The following ADAMTS19 variants were observed in gnomAD, a reference collection of about 807,000 sequenced individuals.
ADAMTS19 encodes the protein ADAM metallopeptidase with thrombospondin type 1 motif 19, also known as A disintegrin and metalloproteinase with thrombospondin motifs 19.
A neutral mutation model predicts 153.3 loss-of-function variants in ADAMTS19; 93 were observed. The ratio of observed to expected loss-of-function variants is 0.61; its 90% CI spans 0.51 to 0.72. ADAMTS19 has a LOEUF of 0.72. Ranked by LOEUF, ADAMTS19 falls within the 30% of genes least tolerant of loss-of-function variation. The pLI is 0.00. For missense variants in ADAMTS19, 1,482 were observed against 1,552.1 expected (o/e 0.95, Z 0.76); for synonymous variants, 600 against 556.6 (o/e 1.08, Z -1.10).
intron 21 of ADAMTS19, among the ~76,000 whole-genome samples, chr5:129,710,656 C>G (rs765223533): frequency 6.6e-6 from 1 of 152,178 alleles, no homozygotes; most frequent in Non-Finnish European, 1.5e-5. Context: ...TTTTTCTATA[C>G]AGAAGCTTGT....
At position 129,572,332 on chromosome 5, in the gene ADAMTS19, C is replaced by T. The variant is rs181196111; in HGVS notation, c.1372+20425C>T. On this transcript the variant is annotated intron_variant, in intron 7 of 22. Transcript: ENST00000274487. ...ATACATTGTTGCTGGGAATGGAAAACTTCACAACCGCTTTGGAAAATGGTG... is the reference window on the plus strand; with the variant it reads ...ATACATTGTTGCTGGGAATGGAAAATTTCACAACCGCTTTGGAAAATGGTG... 1.1e-4 allele frequency among the ~76,000 whole-genome samples: 16 copies of T among 152,030 alleles called. No individual in the cohort carries two copies. The East Asian group carries it at 2.5e-3, about 24-fold the overall frequency.
intron 2 of ADAMTS19, among the ~76,000 whole-genome samples, chr5:129,499,133 C>T (rs1751020035): frequency 1.3e-5 from 2 of 152,120 alleles, no homozygotes; most frequent in Middle Eastern, 6.8e-3. Context: ...CTATATTTAA[C>T]ATGTTATTTC....
rs35089778 is a variant in ADAMTS19, at chr5:129,716,573, C to CTTT, written c.3312+12196_3312+12198dup. Among the ~76,000 whole-genome samples, 60 of 137,342 alleles carry CTTT rather than the reference C, an allele frequency of 4.4e-4. 1 individual carries two copies. Among genetic ancestry groups the CTTT allele is most frequent in the East Asian group, 2.5e-3 (12 of 4,726 alleles). The allele number at this position is 137,342 out of a possible 152,430, so 90.1% of individuals were successfully genotyped here. On this transcript the variant is annotated intron_variant, in intron 21 of 22. Transcript: ENST00000274487. ...CAAGACTACAGCCCACTTCCAGTTT[C>CTTT]TTTTTTTTTTTTTTTTCCAAAACAT...
intron 8 of ADAMTS19, among the ~76,000 whole-genome samples, chr5:129,606,180 G>T (rs1750881989): frequency 6.6e-6 from 1 of 152,094 alleles, no homozygotes; most frequent in Admixed American, 6.5e-5. Context: ...AGAGTACCAA[G>T]AATACAGACG....
At position 129,522,279 on chromosome 5, in the gene ADAMTS19, G is replaced by A. The variant is rs537905101; in HGVS notation, c.914-4005G>A. Among the ~76,000 whole-genome samples, 356 of 133,838 alleles carry A rather than the reference G, an allele frequency of 2.7e-3. 1 individual carries two copies. Among genetic ancestry groups the A allele is most frequent in the African/African-American group, 9.4e-3 (334 of 35,572 alleles). 87.8% of individuals were successfully genotyped at this position (133,838 alleles called of 152,430 possible). On this transcript the variant is annotated intron_variant, in intron 3 of 22. Transcript: ENST00000274487. ...TAATATATAAACAACATATGTATGC[G>A]TAGTTGTATGTGTGTGTGTGTATAT...
chr5:129,502,922 G>A (rs1212363161), intron 2 of ADAMTS19, among the ~76,000 whole-genome samples: 1 of 152,158 alleles, frequency 6.6e-6, no homozygotes, highest in African/African-American at 2.4e-5. Flanking sequence ...AACAGAAAAT[G>A]TCTGGTGTAG....
At chr5:129,689,192 A>G (rs549535400) in intron 18 of ADAMTS19, among the ~76,000 whole-genome samples, 1 of 152,254 alleles carries the variant, frequency 6.6e-6, no homozygotes, top group South Asian at 2.1e-4. Flanking sequence ...GAAAAAAAAT[A>G]AGCCAACATT....
chr5:129,704,479 G>A, intron 21 of ADAMTS19, 88 bp downstream of exon 21: 2 of 1,438,186 alleles, frequency 1.4e-6, no homozygotes, highest in East Asian at 2.4e-5. Flanking sequence ...ATGGAGTTTA[G>A]GAGGGAAGGA....
At chr5:129,670,793 C>A (rs1181764227) in intron 16 of ADAMTS19, among the ~76,000 whole-genome samples, 2 of 152,120 alleles carry the variant, frequency 1.3e-5, no homozygotes, top group African/African-American at 4.8e-5. Context: ...TTCTTCTCTA[C>A]TCACTGTCTC....
At chr5:129,528,481 A>C (rs778560242) in intron 5 of ADAMTS19, 39 bp from the exon 6 acceptor site, 2 of 1,490,524 alleles carry the variant, frequency 1.3e-6, no homozygotes, top group Non-Finnish European at 1.8e-6. Flanking sequence ...TATATACCTA[A>C]GAATAATATG....
chr5:129,550,520 A>G (rs922702751), intron 6 of ADAMTS19, among the ~76,000 whole-genome samples: 4 of 149,714 alleles, frequency 2.7e-5, no homozygotes, highest in Non-Finnish European at 4.5e-5. Flanking sequence ...ACATATCTGT[A>G]TATATATACA....
chr5:129,599,724 G>T (rs1161389883), intron 8 of ADAMTS19, among the ~76,000 whole-genome samples: 1 of 152,122 alleles, frequency 6.6e-6, no homozygotes, highest in Admixed American at 6.5e-5. Flanking sequence ...TTATGTAGTA[G>T]AAATGTTGGT....
intron 2 of ADAMTS19, among the ~76,000 whole-genome samples, chr5:129,500,905 A>G (rs895115221): frequency 6.6e-6 from 1 of 152,202 alleles, no homozygotes; most frequent in Non-Finnish European, 1.5e-5. Context: ...ACACACAAAG[A>G]TCGCATAATG....
chr5:129,594,772 A>G lies in ADAMTS19; in HGVS notation c.1373-1787A>G, dbSNP rs140941802. ...TTAATAGAACTATAATAAAAATATG[A>G]TTTTCTCCTTCTCCCCTCCTCTTCT... On this transcript the variant is annotated intron_variant, in intron 7 of 22. Coordinates refer to ENST00000274487, the MANE Select transcript of ADAMTS19 (RefSeq NM_133638.6). 9.8e-3 allele frequency among the ~76,000 whole-genome samples: 1,484 copies of G among 152,038 alleles called. 70 individuals carry two copies. The highest frequency in any genetic ancestry group is 0.066 in the Admixed American group (1,008 of 15,264).
intron 10 of ADAMTS19, among the ~76,000 whole-genome samples, chr5:129,638,605 G>T (rs914150318): frequency 4.0e-5 from 6 of 148,800 alleles, no homozygotes; most frequent in African/African-American, 1.5e-4. Flanking sequence ...ACACACACAA[G>T]CTATTCTAAT....
At chr5:129,557,539 C>G (rs1443408205) in intron 7 of ADAMTS19, among the ~76,000 whole-genome samples, 1 of 152,048 alleles carries the variant, frequency 6.6e-6, no homozygotes, top group Non-Finnish European at 1.5e-5. Context: ...GCAGAGGTTG[C>G]AGTGAGCCGA....
At chr5:129,514,539 A>G (rs769219633) in intron 3 of ADAMTS19, among the ~76,000 whole-genome samples, 107 of 152,168 alleles carry the variant, frequency 7.0e-4, no homozygotes, top group African/African-American at 2.0e-3. Context: ...CTGGTGACCA[A>G]TGATGTTGAG....
intron 15 of ADAMTS19, among the ~76,000 whole-genome samples, chr5:129,659,517 G>A (rs1479214031): frequency 6.6e-6 from 1 of 152,080 alleles, no homozygotes; most frequent in Non-Finnish European, 1.5e-5. Flanking sequence ...CATGTGTCTT[G>A]CACCCTTAAT....
At chr5:129,646,369 G>A (rs576095931) in intron 11 of ADAMTS19, among the ~76,000 whole-genome samples, 1 of 152,178 alleles carries the variant, frequency 6.6e-6, no homozygotes, top group African/African-American at 2.4e-5. Context: ...AAAATCTACA[G>A]AGACTAATTA....
Sources: gnomAD v4.1 joint callset for allele counts (sites outside exome capture counted in the v4.1 genomes callset) on GRCh38, gnomAD v4.1.1 for gene constraint, MANE v1.5 for transcripts, NCBI Gene and HGNC (gene_info 2026-07-23, HGNC 2026-07-21) for gene names.